The following PEAK1 variants were observed in gnomAD, a reference collection of about 807,000 sequenced individuals.
PEAK1 encodes the protein inactive tyrosine-protein kinase PEAK1.
A neutral mutation model predicts 124.7 loss-of-function variants in PEAK1; 54 were observed. The observed-to-expected ratio is 0.43, with a 90% CI of 0.35 to 0.54. The LOEUF (loss-of-function observed/expected upper bound fraction) is 0.54, where lower values mean the gene tolerates loss of function less well. Among genes scored for constraint, PEAK1 ranks in the 20% least tolerant of loss-of-function variants. The pLI is 0.01. For missense variants in PEAK1, 2,046 were observed against 2,134.5 expected, an observed-to-expected ratio of 0.96 and a Z score of 0.82; for synonymous variants, 719 against 760.0, an observed-to-expected ratio of 0.95 and a Z score of 0.89.
chr15:77,158,460 A>T, intron 8 of PEAK1, 43 bp downstream of exon 8: 1 of 1,566,052 alleles, frequency 6.4e-7, no homozygotes, highest in Non-Finnish European at 8.8e-7. Flanking sequence ...TAGTACAGAA[A>T]AAGGCAAAGT....
At chr15:77,306,616 A>G (rs1393898617) in intron 2 of PEAK1, among the ~76,000 whole-genome samples, 2 of 152,158 alleles carry the variant, frequency 1.3e-5, no homozygotes, top group Non-Finnish European at 2.9e-5. Context: ...GCTGAAGGTT[A>G]CTTTGTCTTT....
chr15:77,173,538 C>A (rs1194963063), intron 7 of PEAK1, among the ~76,000 whole-genome samples: 1 of 152,134 alleles, frequency 6.6e-6, no homozygotes, highest in Non-Finnish European at 1.5e-5. Flanking sequence ...CCATGCTGTA[C>A]AATAGATCTT....
At chr15:77,346,656 A>G in intron 2 of PEAK1, 4 of 984,900 alleles carry the variant, frequency 4.1e-6, no homozygotes, top group Non-Finnish European at 4.8e-6. Context: ...TCAAAAATAC[A>G]AAAATATTAA....
Position 77,345,505 on chromosome 15 carries a change from G to A in PEAK1, c.-603+19658C>T, listed in dbSNP as rs551619311. Among the ~76,000 whole-genome samples, 89 of 152,250 alleles carry A rather than the reference G, an allele frequency of 5.8e-4. 1 individual carries two copies. The highest frequency in any genetic ancestry group is 1.8e-3 in the African/African-American group (73 of 41,548). The stretch of plus-strand genomic sequence containing the variant: ...AAAAAGGAGATATTGAGTAGAAGGC[G>A]GCTTTTAAAGGGAGAACATTGCACA... On this transcript the variant is annotated intron_variant, in intron 2 of 9. Transcript: ENST00000682557.
intron 6 of PEAK1, among the ~76,000 whole-genome samples, chr15:77,233,162 T>C (rs533905334): frequency 3.9e-4 from 59 of 152,332 alleles, no homozygotes; most frequent in Non-Finnish European, 7.8e-4. Flanking sequence ...TGTACTCCGG[T>C]TTCCCTCTAA....
intron 2 of PEAK1, chr15:77,351,569 C>T (rs761180917): frequency 1.1e-4 from 38 of 332,196 alleles, no homozygotes; most frequent in Non-Finnish European, 1.4e-4. Flanking sequence ...TGAAAAACTC[C>T]GTTAACAGGG....
rs201376708 is a variant in PEAK1 at position 77,334,776 on chromosome 15, CTTATT to C, written c.-603+30382_-603+30386del. ...ATCTCCTGACCTGTCTTCCTTTTGT[CTTATT>C]TTGTCATTTTGATTTATTTTTGTAG... On this transcript the variant is annotated intron_variant, in intron 2 of 9. Transcript: ENST00000682557. The C allele has an allele frequency of 5.2e-5, 51 of 985,202 alleles. No homozygotes were observed. The East Asian group carries it at 4.4e-3, about 86-fold the overall frequency. The allele number at this position is 985,202 out of a possible 1,614,324, so 61.0% of individuals were successfully genotyped here.
rs1027060325 is a variant in PEAK1 at position 77,114,520 on chromosome 15, G to A, written c.4877C>T (p.Pro1626Leu). 3.7e-6 allele frequency: 6 copies of A among 1,614,092 alleles called. No homozygotes were observed. The highest frequency in any genetic ancestry group is 1.3e-5 in the African/African-American group (1 of 75,026). Reference protein sequence around the residue: ...KEREYTRADLPRIPFRSPYSR... With the variant: ...KEREYTRADLLRIPFRSPYSR... ...GTAGGGGGAGCGGAATGGGATGCGA[G>A]GCAGGTCTGCTCGTGTGTATTCCCT... The change falls in exon 10 of 10, where the codon CCT (proline) becomes CTT (leucine). Residue 1626 changes from proline to leucine, a missense_variant. By Grantham distance (98) the Pro-to-Leu change is moderately conservative (BLOSUM62 -3). Transcript: ENST00000682557.
rs1317565231 is a variant in PEAK1 at position 77,109,467 on chromosome 15, C to T, written c.*4689G>A. 1 of 152,254 alleles carries T rather than the reference C, an allele frequency of 6.6e-6. No homozygotes were observed. The highest frequency in any genetic ancestry group is 1.5e-5 in the Non-Finnish European group (1 of 68,048). The allele number at this position is 152,254 out of a possible 1,614,324, so 9.4% of individuals were successfully genotyped here. ...ATCTGTCACAGCTCACCCTCATCAT[C>T]TTAGAAGCATCAGGATAAAAAGGCT... On this transcript the variant is annotated 3_prime_UTR_variant, in exon 10 of 10. Coordinates refer to ENST00000682557, the MANE Select transcript of PEAK1 (RefSeq NM_001385026.1).
chr15:77,154,785 C>G (rs1228177813), intron 8 of PEAK1, among the ~76,000 whole-genome samples: 3 of 151,838 alleles, frequency 2.0e-5, no homozygotes, highest in Non-Finnish European at 1.5e-5. Flanking sequence ...GTTGAAAATT[C>G]TTTTCTTTAA....
chr15:77,399,615 G>A (rs768594299), intron 1 of PEAK1, among the ~76,000 whole-genome samples: 8 of 152,106 alleles, frequency 5.3e-5, no homozygotes, highest in Non-Finnish European at 1.0e-4. Context: ...TCCATAGGCA[G>A]AAGAATGAAA....
intron 9 of PEAK1, among the ~76,000 whole-genome samples, chr15:77,119,137 C>A (rs917319763): frequency 9.3e-6 from 1 of 107,278 alleles, no homozygotes; most frequent in South Asian, 2.9e-4. Flanking sequence ...ATACCAAATG[C>A]ATGCCAAGGG....
At chr15:77,231,512 G>C (rs2059908838) in intron 6 of PEAK1, among the ~76,000 whole-genome samples, 2 of 152,012 alleles carry the variant, frequency 1.3e-5, no homozygotes, top group African/African-American at 2.4e-5. Flanking sequence ...TGCAGAATTA[G>C]GTATAACTCA....
chr15:77,106,106 A>C (rs1472814898), downstream of PEAK1: 1 of 152,126 alleles, frequency 6.6e-6, no homozygotes, highest in Non-Finnish European at 1.5e-5. Context: ...CCCACCATCC[A>C]CTGGCCTGTA....
chr15:77,301,041 T>C (rs757302837), intron 2 of PEAK1, among the ~76,000 whole-genome samples: 87 of 152,094 alleles, frequency 5.7e-4, no homozygotes, highest in Non-Finnish European at 1.0e-3. Flanking sequence ...TTAGTAGAGA[T>C]GGGGTTTTGC....
chr15:77,184,871 C>G (rs568120417), intron 6 of PEAK1, among the ~76,000 whole-genome samples: 1 of 152,274 alleles, frequency 6.6e-6, no homozygotes, highest in South Asian at 2.1e-4. Context: ...CACTGCACCA[C>G]AGTCTAAGAC....
chr15:77,254,090 A>C (rs757053823), intron 5 of PEAK1, among the ~76,000 whole-genome samples: 3 of 152,044 alleles, frequency 2.0e-5, no homozygotes, highest in Non-Finnish European at 4.4e-5. Flanking sequence ...AAAGTGCTAG[A>C]ATTACAGGTG....
intron 9 of PEAK1, among the ~76,000 whole-genome samples, chr15:77,127,831 G>A (rs1040627300): frequency 6.6e-6 from 1 of 152,184 alleles, no homozygotes; most frequent in Non-Finnish European, 1.5e-5. Context: ...TGTAATCCCA[G>A]TACTTTGGGA....
intron 2 of PEAK1, among the ~76,000 whole-genome samples, chr15:77,313,692 G>GTGTATA (rs34603921): frequency 0.01 from 992 of 98,622 alleles, 31 homozygotes; most frequent in African/African-American, 0.036. Context: ...GTGTGTGTGT[G>GTGTATA]TATATATATA....
Sources: allele counts gnomAD v4.1 joint callset (sites outside exome capture counted in the v4.1 genomes callset), GRCh38; gene constraint gnomAD v4.1.1; transcripts MANE v1.5; gene names NCBI Gene and HGNC (gene_info 2026-07-23, HGNC 2026-07-21).